C13orf46: variants seen among roughly 807,000 people sequenced by gnomAD.
The protein encoded by C13orf46 is chromosome 13 open reading frame 46, also known as uncharacterized protein C13orf46.
At chr13:113,940,398 C>A in the C13orf46 span, among the ~76,000 whole-genome samples, 6 of 152,248 alleles carry the variant, frequency 3.9e-5, no homozygotes, top group Non-Finnish European at 8.8e-5. Flanking sequence ...AGACAGAAGA[C>A]GCAGGTGCTG....
the C13orf46 span, among the ~76,000 whole-genome samples, chr13:113,945,597 G>GTC: frequency 8.2e-6 from 1 of 121,818 alleles, no homozygotes; most frequent in African/African-American, 3.2e-5. Context: ...GAGAGAGAAA[G>GTC]AAAGAAAGAA....
In C13orf46 at chr13:113,973,953, G is replaced by A. The variant is rs2052736999; in HGVS notation, c.45C>T (p.Gly15=). The A allele has an allele frequency of 6.6e-6, 1 of 152,418 alleles. No individual in the cohort carries two copies. Among genetic ancestry groups the A allele is most frequent in the African/African-American group, 2.4e-5 (1 of 41,474 alleles). 9.4% of individuals were successfully genotyped at this position (152,418 alleles called of 1,614,324 possible). The part of the protein sequence containing the change: ...TGTTHRRHRP[G]LRALPSGVAL... ...CCACTCCTGAGGGCAGGGCCCTGAG[G>A]CCGGGCCGGTGCCTCCTGTGTGTGG... The change falls in exon 1 of 7, where the codon GGC becomes GGT. Residue 15 remains glycine (G), a synonymous_variant. Transcript: ENST00000636427.
the C13orf46 span, among the ~76,000 whole-genome samples, chr13:113,941,545 C>T: frequency 5.3e-5 from 8 of 152,170 alleles, no homozygotes; most frequent in South Asian, 2.1e-4. Flanking sequence ...GCTGGGCATT[C>T]GATACCCTGG....
chr13:113,930,514 C>G, the C13orf46 span, among the ~76,000 whole-genome samples: 1 of 152,318 alleles, frequency 6.6e-6, no homozygotes, highest in Admixed American at 6.5e-5. Flanking sequence ...CCTGGTGTGT[C>G]CTCGCCTCCA....
At chr13:113,969,072 C>A (rs1432940031) in intron 2 of C13orf46, among the ~76,000 whole-genome samples, 1 of 152,254 alleles carries the variant, frequency 6.6e-6, no homozygotes, top group Non-Finnish European at 1.5e-5. Context: ...GAACCAAAAT[C>A]TGATGAGAAG....
chr13:113,927,176 C>T, the C13orf46 span: 2 of 201,378 alleles, frequency 9.9e-6, no homozygotes, highest in African/African-American at 4.6e-5. Context: ...AAGCATTGGC[C>T]CCAACAGGCC....
At chr13:113,970,735 C>T (rs534934622) in intron 1 of C13orf46, among the ~76,000 whole-genome samples, 6 of 152,304 alleles carry the variant, frequency 3.9e-5, no homozygotes, top group East Asian at 1.9e-4. Context: ...CTGGGCTCCC[C>T]GAGAGGCATT....
chr13:113,972,497 G>A (rs2052718380), intron 1 of C13orf46, among the ~76,000 whole-genome samples: 1 of 152,186 alleles, frequency 6.6e-6, no homozygotes, highest in South Asian at 2.1e-4. Context: ...CGAGGCCGCG[G>A]GAGGGGAGGG....
downstream of C13orf46, among the ~76,000 whole-genome samples, chr13:113,950,701 C>T (rs1047971935): frequency 0.13 from 20,428 of 152,264 alleles, 1,651 homozygotes; most frequent in Non-Finnish European, 0.17. Flanking sequence ...GGGCTGGCCC[C>T]GCCTCTCCTG....
chr13:113,931,726 A>G, the C13orf46 span, among the ~76,000 whole-genome samples: 1 of 152,218 alleles, frequency 6.6e-6, no homozygotes, highest in East Asian at 1.9e-4. Flanking sequence ...ATTCTGTGTT[A>G]AAGAATTCTT....
At chr13:113,964,579 T>C (rs1488819116) in intron 6 of C13orf46, among the ~76,000 whole-genome samples, 1 of 152,180 alleles carries the variant, frequency 6.6e-6, no homozygotes, top group Admixed American at 6.5e-5. Context: ...GTCAGTACCA[T>C]GCACTTATCA....
chr13:113,946,707 T>C, the C13orf46 span, among the ~76,000 whole-genome samples: 11,695 of 152,338 alleles, frequency 0.077, 742 homozygotes, highest in African/African-American at 0.18. Context: ...ACGCTGGCTG[T>C]TGGCATCCAG....
At chr13:113,949,434 C>CCTGA (rs1463123719), downstream of C13orf46, among the ~76,000 whole-genome samples, 1 of 152,196 alleles carries the variant, frequency 6.6e-6, no homozygotes, top group Admixed American at 6.5e-5. Flanking sequence ...CCTTCACCTT[C>CCTGA]AGGGTCTGTG....
At chr13:113,941,467 T>TCTC in the C13orf46 span, among the ~76,000 whole-genome samples, 113 of 142,902 alleles carry the variant, frequency 7.9e-4, 1 homozygote, top group African/African-American at 2.6e-3. Context: ...GAGATCCTGG[T>TCTC]CTCTGGGACT....
At chr13:113,931,154 C>T in the C13orf46 span, among the ~76,000 whole-genome samples, 1 of 152,244 alleles carries the variant, frequency 6.6e-6, no homozygotes, top group East Asian at 1.9e-4. Context: ...ACGTGACTGG[C>T]ACCCCAGGGT....
chr13:113,947,337 A>C, the C13orf46 span, among the ~76,000 whole-genome samples: 369 of 152,206 alleles, frequency 2.4e-3, 7 homozygotes, highest in Non-Finnish European at 9.9e-4. Context: ...AGGAGGGCGG[A>C]CCAACCTCAA....
chr13:113,934,270 GC>G, the C13orf46 span, among the ~76,000 whole-genome samples: 2 of 152,186 alleles, frequency 1.3e-5, no homozygotes, highest in African/African-American at 4.8e-5. Context: ...CCAGGTTTTC[GC>G]TGTTCCAAAT....
the C13orf46 span, among the ~76,000 whole-genome samples, chr13:113,932,126 A>G: frequency 1.4e-4 from 21 of 152,350 alleles, no homozygotes; most frequent in African/African-American, 4.8e-4. Context: ...CACTAGTTGC[A>G]TGGGTGTATC....
chr13:113,941,784 G>T, the C13orf46 span, among the ~76,000 whole-genome samples: 2 of 152,206 alleles, frequency 1.3e-5, no homozygotes, highest in Non-Finnish European at 2.9e-5. Context: ...CTGGCCTGGA[G>T]GACCTGCCTG....
Sources: gnomAD v4.1 joint callset for allele counts (sites outside exome capture counted in the v4.1 genomes callset) on GRCh38, gnomAD v4.1.1 for gene constraint, MANE v1.5 for transcripts, NCBI Gene and HGNC (gene_info 2026-07-23, HGNC 2026-07-21) for gene names.